Variants in PAICS observed in about 807,000 individuals in gnomAD.
PAICS encodes the protein phosphoribosylaminoimidazole carboxylase and phosphoribosylaminoimidazolesuccinocarboxamide synthase.
A neutral mutation model predicts 53.7 loss-of-function variants in PAICS; 33 were observed. The ratio of observed to expected loss-of-function variants is 0.61; its 90% confidence interval spans 0.47 to 0.82. The LOEUF (loss-of-function observed/expected upper bound fraction) is 0.82, where lower values mean the gene tolerates loss of function less well. PAICS is among the 40% of genes least tolerant of loss of function. The probability of loss-of-function intolerance (pLI) is 0.00; values close to 1 mark genes in which losing one functional copy is unlikely to be tolerated. For missense variants in PAICS, 394 were observed against 494.1 expected (o/e 0.80, Z 1.92); for synonymous variants, 141 against 167.2 (o/e 0.84, Z 1.21).
chr4:56,436,776 C>T (rs1404248527), intron 1 of PAICS, among the ~76,000 whole-genome samples: 7 of 152,196 alleles, frequency 4.6e-5, no homozygotes, highest in Admixed American at 3.3e-4. Context: ...GGGCGGATCA[C>T]CTGAGGTCAG....
rs965100970 is a variant in PAICS at position 56,461,973 on chromosome 4, T to G, written c.*2435T>G. On this transcript the variant is annotated 3_prime_UTR_variant, in exon 9 of 9. Transcript: ENST00000512576. ...GACAAAGCACTTAGGTAAAGCTTCA[T>G]TCAGTATCCATTCACCCAATACTGG... 2.6e-5 allele frequency: 4 copies of G among 152,226 alleles called. No homozygotes were observed. The highest frequency in any genetic ancestry group is 2.0e-4 in the Admixed American group (3 of 15,282). The allele number at this position is 152,226 out of a possible 1,614,324, so 9.4% of individuals were successfully genotyped here. A position where few individuals can be genotyped will look rare whatever the true frequency, so the allele number is the denominator to read the frequency against.
rs1359605528 is a variant in PAICS, at chr4:56,446,675, C to T, written c.215-20C>T. The stretch of plus-strand genomic sequence containing the variant: ...CATATCATTTCAATACCTTTTTTAA[C>T]TTTGGTTATCAATATGTAGGTATTA... On this transcript the variant is annotated intron_variant, in intron 2 of 8. Coordinates refer to ENST00000512576, the MANE Select transcript of PAICS (RefSeq NM_001079524.2). 3 of 1,497,584 alleles carry T rather than the reference C, an allele frequency of 2.0e-6. No homozygotes were observed. The highest frequency in any genetic ancestry group is 4.0e-5 in the Admixed American group (2 of 49,630). The allele number at this position is 1,497,584 out of a possible 1,614,324, so 92.8% of individuals were successfully genotyped here.
chr4:56,442,931 T>C (rs1202981027), intron 2 of PAICS, among the ~76,000 whole-genome samples: 1 of 152,228 alleles, frequency 6.6e-6, no homozygotes, highest in Admixed American at 6.5e-5. Flanking sequence ...TTTTGATTAA[T>C]GTGAAAAAGA....
chr4:56,444,124 T>A (rs4616819), intron 2 of PAICS, among the ~76,000 whole-genome samples: 46,153 of 151,894 alleles, frequency 0.3, 7,529 homozygotes, highest in East Asian at 0.47. Context: ...CTTTACAACC[T>A]GGGTTGTGTT....
At chr4:56,414,215 C>T in the PAICS span, 1 of 152,154 alleles carries the variant, frequency 6.6e-6, no homozygotes, top group African/African-American at 2.4e-5. Context: ...CTGGTTTTTC[C>T]TATGGCGGAA....
rs779138939 is a variant in PAICS at position 56,461,398 on chromosome 4, T to C, written c.*1860T>C. 6.6e-6 allele frequency: 1 copy of C among 152,248 alleles called. No individual in the cohort carries two copies. The highest frequency in any genetic ancestry group is 1.5e-5 in the Non-Finnish European group (1 of 68,044). The allele number at this position is 152,248 out of a possible 1,614,324, so 9.4% of individuals were successfully genotyped here. On this transcript the variant is annotated 3_prime_UTR_variant, in exon 9 of 9. Transcript: ENST00000512576. ...TGGTCTCTGAAGTCACTGACTGCTA[T>C]TTCAGCTTGTTTACCCTTACCTAGC... is the stretch of plus-strand genomic sequence containing the variant.
chr4:56,445,448 G>A (rs1354839985), intron 2 of PAICS, among the ~76,000 whole-genome samples: 2 of 152,160 alleles, frequency 1.3e-5, no homozygotes, highest in Admixed American at 6.6e-5. Context: ...TTAGCCAGGC[G>A]TGGTGGTGCA....
the PAICS span, chr4:56,416,460 A>C: frequency 6.2e-6 from 2 of 320,494 alleles, 1 homozygote; most frequent in Non-Finnish European, 9.0e-6. Flanking sequence ...TGGATGGGAC[A>C]GAATGAAACT....
chr4:56,434,450 T>C (rs540424854), upstream of PAICS, among the ~76,000 whole-genome samples: 1 of 152,352 alleles, frequency 6.6e-6, no homozygotes, highest in South Asian at 2.1e-4. Flanking sequence ...CCCAGGTTTG[T>C]TTTTCTTATC....
intron 3 of PAICS, among the ~76,000 whole-genome samples, chr4:56,447,557 G>A (rs1416686849): frequency 6.6e-6 from 1 of 152,070 alleles, no homozygotes; most frequent in African/African-American, 2.4e-5. Flanking sequence ...AGTGAGGTTG[G>A]GAGGTTATGA....
Position 56,451,991 on chromosome 4 carries a change from T to C in PAICS, c.891T>C (p.Leu297=), listed in dbSNP as rs1406648184. The change falls in exon 7 of 9, where the codon CTT becomes CTC. Residue 297 remains leucine, a synonymous_variant. Transcript: ENST00000512576. ...GAAATTTTGGCATTCCATGTGAACT[T>C]CGAGTAACATCTGCGCATAAAGGAC... is the stretch of plus-strand genomic sequence containing the variant. ...ACGNFGIPCE[L]RVTSAHKGPD... is the part of the protein sequence containing the mutation. 6.2e-7 allele frequency: 1 copy of C among 1,609,376 alleles called. No homozygotes were observed. The highest frequency in any genetic ancestry group is 1.1e-5 in the South Asian group (1 of 89,892).
At chr4:56,447,299 G>T (rs1223270436) in intron 3 of PAICS, among the ~76,000 whole-genome samples, 1 of 152,012 alleles carries the variant, frequency 6.6e-6, no homozygotes, top group Non-Finnish European at 1.5e-5. Context: ...CTTGATTTAT[G>T]CTGTTAAGCA....
At chr4:56,419,450 G>T in the PAICS span, among the ~76,000 whole-genome samples, 1 of 152,124 alleles carries the variant, frequency 6.6e-6, no homozygotes. Flanking sequence ...GACAGATTTA[G>T]GTTCTGTATT....
the PAICS span, among the ~76,000 whole-genome samples, chr4:56,415,043 T>C: frequency 2.6e-5 from 4 of 152,222 alleles, no homozygotes; most frequent in African/African-American, 7.2e-5. Context: ...GAAACCCTAA[T>C]AGAGTTTTTA....
Position 56,448,708 on chromosome 4 carries a change from A to C in PAICS, c.574-2A>C. 2 of 1,564,866 alleles carry C rather than the reference A, an allele frequency of 1.3e-6. No individual in the cohort carries two copies. The highest frequency in any genetic ancestry group is 1.7e-6 in the Non-Finnish European group (2 of 1,144,332). ...AAAACTTTGTTGACATGCTGTTTCCAGATTGAATTTGGTGTTGATGTAACC... is the reference window on the plus strand; with the variant it reads ...AAAACTTTGTTGACATGCTGTTTCCCGATTGAATTTGGTGTTGATGTAACC... On this transcript the variant is annotated splice_acceptor_variant, in intron 4 of 8. Transcript: ENST00000512576. LOFTEE classifies it high-confidence loss of function.
the PAICS span, chr4:56,425,309 A>G: frequency 1.1e-5 from 2 of 179,390 alleles, 1 homozygote; most frequent in East Asian, 3.8e-4. Flanking sequence ...AAATTATTAC[A>G]TAAATTAATG....
chr4:56,410,893 T>C, the PAICS span: 4 of 358,570 alleles, frequency 1.1e-5, no homozygotes, highest in Non-Finnish European at 1.3e-5. Flanking sequence ...CAGAGACCAC[T>C]GAAGGTAAAA....
chr4:56,444,487 C>A (rs1316679126), intron 2 of PAICS, among the ~76,000 whole-genome samples: 1 of 151,998 alleles, frequency 6.6e-6, no homozygotes, highest in Admixed American at 6.6e-5. Flanking sequence ...GGGATGGCCA[C>A]GGGGACATAT....
chr4:56,442,825 G>A (rs1486524325), intron 2 of PAICS, among the ~76,000 whole-genome samples: 2 of 152,148 alleles, frequency 1.3e-5, no homozygotes, highest in African/African-American at 4.8e-5. Context: ...TTAGATGTAC[G>A]TGCCTTCCAC....
Sources: allele counts gnomAD v4.1 joint callset (sites outside exome capture counted in the v4.1 genomes callset), GRCh38; gene constraint gnomAD v4.1.1; transcripts MANE v1.5; gene names NCBI Gene and HGNC (gene_info 2026-07-23, HGNC 2026-07-21).